ABI3BP: variants seen among roughly 807,000 people sequenced by gnomAD.
ABI3BP encodes the protein target of Nesh-SH3.
Under a neutral mutation model 268.6 loss-of-function variants are expected in ABI3BP, and 216 were observed. The observed-to-expected ratio is 0.80, with a 90% CI of 0.72 to 0.90. The LOEUF (loss-of-function observed/expected upper bound fraction) is 0.90, where lower values mean the gene tolerates loss of function less well. Among genes scored for constraint, ABI3BP ranks in the 40% least tolerant of loss-of-function variants. The probability of loss-of-function intolerance (pLI) is 0.00; values close to 1 mark genes in which losing one functional copy is unlikely to be tolerated. For missense variants in ABI3BP, 2,090 were observed against 2,182.4 expected (o/e 0.96, Z 0.84); for synonymous variants, 730 against 730.0 (o/e 1.00, Z 0.00).
intron 14 of ABI3BP, among the ~76,000 whole-genome samples, chr3:100,857,579 A>G (rs775476581): frequency 1.1e-4 from 17 of 152,198 alleles, no homozygotes; most frequent in Non-Finnish European, 2.1e-4. Context: ...TATACACCAT[A>G]TCTGGAAGGC....
intron 2 of ABI3BP, 47 bp downstream of exon 2, chr3:100,926,255 C>G (rs778258881): frequency 2.1e-5 from 33 of 1,588,774 alleles, no homozygotes; most frequent in African/African-American, 5.4e-5. Context: ...TACACCCCCC[C>G]ACCTCTTACC....
At chr3:100,885,246 AAT>A (rs939457205) in intron 6 of ABI3BP, among the ~76,000 whole-genome samples, 2 of 152,076 alleles carry the variant, frequency 1.3e-5, no homozygotes, top group African/African-American at 4.8e-5. Flanking sequence ...ATTAAAAAGC[AAT>A]AGACAGAAGA....
Position 100,838,302 on chromosome 3 carries a change from G to T in ABI3BP, c.2009-18C>A. The T allele has an allele frequency of 2.0e-6, 3 of 1,534,564 alleles. No individual in the cohort carries two copies. The highest frequency in any genetic ancestry group is 2.6e-6 in the Non-Finnish European group (3 of 1,145,238). ...TTTTGAACCTGAAGAAAATTAGAGTGCCATAATTAGTGTTACGGCTGAGCT... is the reference window on the plus strand; with the variant it reads ...TTTTGAACCTGAAGAAAATTAGAGTTCCATAATTAGTGTTACGGCTGAGCT... On this transcript the variant is annotated intron_variant, in intron 25 of 67. Coordinates refer to ENST00000471714, the MANE Select transcript of ABI3BP (RefSeq NM_001375547.2).
chr3:100,768,110 G>A (rs933201881), intron 62 of ABI3BP, among the ~76,000 whole-genome samples: 3 of 117,292 alleles, frequency 2.6e-5, no homozygotes, highest in Admixed American at 1.0e-4. Context: ...TTTTTGAGAC[G>A]GAGTCTCACA....
intron 6 of ABI3BP, among the ~76,000 whole-genome samples, chr3:100,884,281 A>C (rs893528447): frequency 3.9e-5 from 6 of 151,934 alleles, no homozygotes; most frequent in African/African-American, 1.5e-4. Context: ...TAAAAAAAAG[A>C]GAGCGAGAAA....
At chr3:100,837,086 A>C (rs1480142754) in intron 27 of ABI3BP, 38 bp downstream of exon 27, 1 of 1,502,606 alleles carries the variant, frequency 6.7e-7, no homozygotes, top group African/African-American at 1.4e-5. Context: ...GCGCAAGCTC[A>C]GAGAAACATT....
intron 1 of ABI3BP, among the ~76,000 whole-genome samples, chr3:100,968,737 C>T (rs915103189): frequency 3.3e-5 from 5 of 151,980 alleles, no homozygotes; most frequent in Non-Finnish European, 7.4e-5. Context: ...GTGCGCAGAA[C>T]GTGCGGGTTT....
intron 14 of ABI3BP, among the ~76,000 whole-genome samples, chr3:100,853,394 C>A (rs1013421258): frequency 5.3e-5 from 8 of 152,168 alleles, no homozygotes; most frequent in Non-Finnish European, 8.8e-5. Context: ...TGATCTTAAG[C>A]TTATTTTCAG....
intron 14 of ABI3BP, among the ~76,000 whole-genome samples, chr3:100,855,549 A>G (rs2098929821): frequency 6.6e-6 from 1 of 152,250 alleles, no homozygotes; most frequent in Non-Finnish European, 1.5e-5. Flanking sequence ...AATCTGCAAG[A>G]TGTCCATTAC....
At chr3:100,791,795 G>A (rs557947254) in intron 55 of ABI3BP, among the ~76,000 whole-genome samples, 6 of 151,888 alleles carry the variant, frequency 4.0e-5, no homozygotes, top group African/African-American at 1.4e-4. Flanking sequence ...TCTTAGTCAC[G>A]TTTACTTGTA....
chr3:100,804,945 G>A (rs911451956), intron 50 of ABI3BP, 79 bp from the exon 51 acceptor site: 4 of 1,182,428 alleles, frequency 3.4e-6, no homozygotes, highest in Admixed American at 1.7e-5. Context: ...ACATGTCAAG[G>A]TGTAGCCTGA....
In ABI3BP at chr3:100,830,558, T is replaced by C. The variant is rs1560546151; in HGVS notation, c.2458+20A>G. On this transcript the variant is annotated intron_variant, in intron 32 of 67. Coordinates refer to ENST00000471714, the MANE Select transcript of ABI3BP (RefSeq NM_001375547.2). ...AATGAGCAGGAGAGGCAGATGTTGA[T>C]GGACATAATGTGCCATTACCTGCTG... 1 of 1,531,912 alleles carries C rather than the reference T, an allele frequency of 6.5e-7. No homozygotes were observed. Among genetic ancestry groups the C allele is most frequent in the South Asian group, 1.2e-5 (1 of 83,596 alleles). 94.9% of individuals were successfully genotyped at this position (1,531,912 alleles called of 1,614,324 possible).
intron 1 of ABI3BP, among the ~76,000 whole-genome samples, chr3:100,932,278 T>C (rs1050994313): frequency 6.6e-6 from 1 of 152,040 alleles, no homozygotes; most frequent in African/African-American, 2.4e-5. Flanking sequence ...CGTATCATTC[T>C]GGACATAGGC....
intron 1 of ABI3BP, among the ~76,000 whole-genome samples, chr3:100,949,732 A>G (rs1403649807): frequency 1.3e-5 from 2 of 152,194 alleles, no homozygotes; most frequent in Non-Finnish European, 2.9e-5. Flanking sequence ...CATTGCTAAA[A>G]TTTGTGGCTA....
intron 2 of ABI3BP, among the ~76,000 whole-genome samples, chr3:100,918,505 T>C (rs528911838): frequency 6.6e-6 from 1 of 152,108 alleles, no homozygotes; most frequent in South Asian, 2.1e-4. Flanking sequence ...AAATAGCAAT[T>C]GATTAACCTT....
At chr3:100,844,262 G>T (rs2098742538) in intron 20 of ABI3BP, 8 of 985,316 alleles carry the variant, frequency 8.1e-6, no homozygotes, top group Non-Finnish European at 9.6e-6. Flanking sequence ...ACAAACACCT[G>T]TAATTGGGGG....
rs1255927858 is a variant in ABI3BP at position 100,908,078 on chromosome 3, T to C, written c.260-5392A>G. 2.0e-5 allele frequency among the ~76,000 whole-genome samples: 3 copies of C among 148,718 alleles called. No individual in the cohort carries two copies. The East Asian group carries it at 5.9e-4, about 29-fold the overall frequency. ...TTGCAGTGAGCCGAGATCGTGCCAC[T>C]GCACTGCAGCCTGGGTGACAGAGCA... On this transcript the variant is annotated intron_variant, in intron 2 of 67. Transcript: ENST00000471714.
chr3:100,910,617 C>A (rs747802740), intron 2 of ABI3BP, among the ~76,000 whole-genome samples: 1 of 151,766 alleles, frequency 6.6e-6, no homozygotes, highest in Non-Finnish European at 1.5e-5. Context: ...TCAATAAATT[C>A]TCCTGCCTTG....
In ABI3BP at chr3:100,822,622, T is replaced by C. The variant is rs1321064151; in HGVS notation, c.2854A>G (p.Thr952Ala). 3.9e-6 allele frequency: 6 copies of C among 1,536,646 alleles called. No homozygotes were observed. Among genetic ancestry groups the C allele is most frequent in the Non-Finnish European group, 5.2e-6 (6 of 1,146,966 alleles). ...GATTCAGGTGCTTCAGGACGTGGTG[T>C]GGTTTTTGTTCTGAGACGTGGACGA... ...TRRPRLRTKT[T>A]PRPEAPESKP... is the part of the protein sequence containing the mutation. The change falls in exon 38 of 68, where the codon ACA becomes GCA. Residue 952 changes from threonine to alanine, a missense_variant. Thr to Ala is a moderately conservative substitution (Grantham distance 58). Transcript: ENST00000471714.
Sources: allele counts gnomAD v4.1 joint callset (sites outside exome capture counted in the v4.1 genomes callset), GRCh38; gene constraint gnomAD v4.1.1; transcripts MANE v1.5; gene names NCBI Gene and HGNC (gene_info 2026-07-23, HGNC 2026-07-21).